TYW1: variants seen among roughly 807,000 people sequenced by gnomAD.
TYW1 encodes tRNA-yW synthesizing protein 1 homolog, also known as S-adenosyl-L-methionine-dependent tRNA 4-demethylwyosine synthase TYW1.
Under a neutral mutation model 96.2 loss-of-function variants are expected in TYW1, and 46 were observed. That is an observed-to-expected ratio of 0.48 (90% CI 0.38 to 0.61). TYW1 has a LOEUF of 0.61. TYW1 is among the 20% of genes least tolerant of loss of function. TYW1 has a pLI of 0.00. For missense variants in TYW1, 684 were observed against 909.6 expected (o/e 0.75, Z 3.19); for synonymous variants, 274 against 323.0 (o/e 0.85, Z 1.63).
intron 7 of TYW1, among the ~76,000 whole-genome samples, chr7:67,031,258 G>A (rs1584483380): frequency 7.2e-6 from 1 of 137,984 alleles, no homozygotes; most frequent in East Asian, 2.3e-4. Flanking sequence ...GTAGGAGAAG[G>A]CTTCTAGATA....
intron 13 of TYW1, among the ~76,000 whole-genome samples, chr7:67,151,703 G>C (rs561624000): frequency 6.6e-6 from 1 of 152,300 alleles, no homozygotes; most frequent in East Asian, 1.9e-4. Flanking sequence ...GTAGTGACTG[G>C]TGTGAGGGGT....
chr7:67,148,126 T>G (rs1798665312), intron 13 of TYW1, among the ~76,000 whole-genome samples: 1 of 151,554 alleles, frequency 6.6e-6, no homozygotes, highest in Non-Finnish European at 1.5e-5. Flanking sequence ...TGGGGGGGCT[T>G]TGAGGGGAGG....
chr7:67,192,866 G>A (rs774854833), intron 14 of TYW1, among the ~76,000 whole-genome samples: 7 of 152,192 alleles, frequency 4.6e-5, no homozygotes, highest in Non-Finnish European at 8.8e-5. Flanking sequence ...TTTATTAGGG[G>A]ATGGATTCTC....
chr7:67,086,818 C>T (rs552666507), intron 11 of TYW1, among the ~76,000 whole-genome samples: 3 of 152,224 alleles, frequency 2.0e-5, no homozygotes, highest in East Asian at 1.9e-4. Flanking sequence ...AATATCTGGA[C>T]GCCGTGACCC....
intron 3 of TYW1, among the ~76,000 whole-genome samples, chr7:67,000,934 A>G (rs1793363957): frequency 6.6e-6 from 1 of 152,110 alleles, no homozygotes; most frequent in South Asian, 2.1e-4. Context: ...TTCATTTTAC[A>G]GTCGAAGGTC....
chr7:67,238,499 G>C lies in TYW1; in HGVS notation c.2169G>C (p.Lys723Asn). 1 of 1,613,926 alleles carries C rather than the reference G, an allele frequency of 6.2e-7. No homozygotes were observed. The highest frequency in any genetic ancestry group is 1.1e-5 in the South Asian group (1 of 91,066). ...CCAAGGACACAAGACATCAGAGAAA[G>C]AACAAATCAAAGGCTATTTCTGGAT... ...FDPKDTRHQR[K>N]NKSKAISGC Residue 723 changes from lysine (K) to asparagine (N), a missense_variant, in exon 16 of 16, where the codon AAG becomes AAC. Transcript: ENST00000359626.
In TYW1 at chr7:67,112,100, CAAAAAAAAAAA is replaced by C. The variant is rs538839042; in HGVS notation, c.1563-5370_1563-5360del. ...GGTGACAGAGCGAGACTCTGTCTGA[CAAAAAAAAAAA>C]AAAAAAAAAAAAGAAAGTGCAAAAG... On this transcript the variant is annotated intron_variant, in intron 12 of 15. Transcript: ENST00000359626. 1.5e-3 allele frequency among the ~76,000 whole-genome samples: 143 copies of C among 94,888 alleles called. 1 individual carries two copies. Among genetic ancestry groups the C allele is most frequent in the Non-Finnish European group, 1.7e-3 (81 of 47,786 alleles). 62.3% of individuals were successfully genotyped at this position (94,888 alleles called of 152,430 possible). A position where few individuals can be genotyped will look rare whatever the true frequency, so the allele number is the denominator to read the frequency against.
At chr7:67,112,848 T>C (rs1343522376) in intron 12 of TYW1, among the ~76,000 whole-genome samples, 3 of 152,158 alleles carry the variant, frequency 2.0e-5, no homozygotes, top group Non-Finnish European at 4.4e-5. Context: ...AATCCATCCA[T>C]CACACTGGAG....
chr7:67,019,161 CT>C (rs1406344520), intron 6 of TYW1, among the ~76,000 whole-genome samples: 1 of 152,178 alleles, frequency 6.6e-6, no homozygotes, highest in African/African-American at 2.4e-5. Flanking sequence ...GATTGTTTGA[CT>C]ATAGATTCAC....
intron 10 of TYW1, among the ~76,000 whole-genome samples, chr7:67,070,072 C>T (rs1584523088): frequency 6.6e-6 from 1 of 152,170 alleles, no homozygotes; most frequent in Non-Finnish European, 1.5e-5. Flanking sequence ...TTCTGGCCTC[C>T]ATGGTTTCTG....
At chr7:67,223,211 T>C (rs1188133900) in intron 15 of TYW1, among the ~76,000 whole-genome samples, 1 of 152,194 alleles carries the variant, frequency 6.6e-6, no homozygotes, top group Non-Finnish European at 1.5e-5. Context: ...TAGTTTTCTT[T>C]TGGATGGACC....
chr7:67,098,745 G>A, intron 12 of TYW1, 27 bp downstream of exon 12: 2 of 1,563,248 alleles, frequency 1.3e-6, no homozygotes, highest in Non-Finnish European at 8.6e-7. Context: ...ATGGAGAGAT[G>A]CTGCTTGAAT....
chr7:67,009,594 A>G lies in TYW1; in HGVS notation c.285A>G (p.Thr95=). The change falls in exon 4 of 16, where the codon ACA becomes ACG. Residue 95 remains threonine, a synonymous_variant. Transcript: ENST00000359626. ...TTTGGTCCTATTAGGGATTCGCAACAGTTCTTGCTGAAGCAGTTACATCCC... is the reference window on the plus strand; with the variant it reads ...TTTGGTCCTATTAGGGATTCGCAACGGTTCTTGCTGAAGCAGTTACATCCC... The part of the protein sequence containing the change: ...SQTGTAKGFA[T]VLAEAVTSLD... The G allele has an allele frequency of 6.2e-7, 1 of 1,611,844 alleles. No homozygotes were observed. The highest frequency in any genetic ancestry group is 1.1e-5 in the South Asian group (1 of 90,090).
At chr7:67,237,676 T>A (rs899529768) in intron 15 of TYW1, among the ~76,000 whole-genome samples, 14 of 152,122 alleles carry the variant, frequency 9.2e-5, no homozygotes, top group African/African-American at 3.4e-4. Context: ...TCTTTCTGTT[T>A]TCTTCATTCC....
At chr7:67,118,675 A>G (rs369861808) in intron 13 of TYW1, among the ~76,000 whole-genome samples, 26 of 151,974 alleles carry the variant, frequency 1.7e-4, no homozygotes, top group East Asian at 9.7e-4. Flanking sequence ...TGGGCAGATC[A>G]CTTGAGGTCA....
intron 13 of TYW1, among the ~76,000 whole-genome samples, chr7:67,159,206 G>A (rs1380186325): frequency 6.6e-6 from 1 of 151,772 alleles, no homozygotes; most frequent in Non-Finnish European, 1.5e-5. Context: ...TCATTAGTTG[G>A]GTTTGTCATG....
intron 13 of TYW1, among the ~76,000 whole-genome samples, chr7:67,176,311 G>C (rs1325574896): frequency 6.6e-6 from 1 of 152,162 alleles, no homozygotes; most frequent in African/African-American, 2.4e-5. Context: ...GGTTGTAAAA[G>C]TATCATTTCT....
Position 67,033,755 on chromosome 7 carries a change from G to C in TYW1, c.984+8733G>C, listed in dbSNP as rs146796542. 3.8e-3 allele frequency among the ~76,000 whole-genome samples: 584 copies of C among 151,764 alleles called. 3 individuals are homozygous for C. The highest frequency in any genetic ancestry group is 0.013 in the African/African-American group (540 of 41,370). Reference sequence around the variant, plus strand: ...CTGTTGCCAAGGCTGGAGTGCAGTGGCGTGATCTTGGCTCAGTACAACCTC... The same window carrying C: ...CTGTTGCCAAGGCTGGAGTGCAGTGCCGTGATCTTGGCTCAGTACAACCTC... On this transcript the variant is annotated intron_variant, in intron 7 of 15. Coordinates refer to ENST00000359626, the MANE Select transcript of TYW1 (RefSeq NM_018264.4).
At position 66,998,130 on chromosome 7, in the gene TYW1, A is replaced by G. The variant is rs1384384171; in HGVS notation, c.70A>G (p.Ile24Val). The G allele has an allele frequency of 3.1e-6, 5 of 1,613,150 alleles. No homozygotes were observed. Among genetic ancestry groups the G allele is most frequent in the South Asian group, 1.1e-5 (1 of 90,782 alleles). The change falls in exon 2 of 16, where the codon ATT becomes GTT. Residue 24 changes from isoleucine to valine, a missense_variant. Ile to Val is a conservative substitution (Grantham distance 29). Transcript: ENST00000359626. ...LISLWINRFY[I>V]YLGFAVSISL... ...ATCATTATGGATAAACAGGTTTTAC[A>G]TTTATTTGGGCTTTGCTGTTAGCAT...
Sources: allele counts gnomAD v4.1 joint callset (sites outside exome capture counted in the v4.1 genomes callset), GRCh38; gene constraint gnomAD v4.1.1; transcripts MANE v1.5; gene names NCBI Gene and HGNC (gene_info 2026-07-23, HGNC 2026-07-21).